The following PTPRD variants were observed in gnomAD, a reference collection of about 807,000 sequenced individuals.
PTPRD encodes protein tyrosine phosphatase receptor type D.
PTPRD carries 34 observed loss-of-function variants against 214.5 expected under a neutral mutation model. The observed-to-expected ratio is 0.16, with a 90% CI of 0.12 to 0.21. The LOEUF (loss-of-function observed/expected upper bound fraction) is 0.21, where lower values mean the gene tolerates loss of function less well. PTPRD is among the 10% of genes least tolerant of loss of function. The probability of loss-of-function intolerance (pLI) is 1.00; values close to 1 mark genes in which losing one functional copy is unlikely to be tolerated. For missense variants in PTPRD, 2,545 were observed against 2,398.7 expected, an observed-to-expected ratio of 1.06 and a Z score of -1.27; for synonymous variants, 1,128 against 845.7, an observed-to-expected ratio of 1.33 and a Z score of -5.79.
At chr9:9,931,090 T>G (rs915241142) in intron 5 of PTPRD, among the ~76,000 whole-genome samples, 1 of 152,222 alleles carries the variant, frequency 6.6e-6, no homozygotes, top group African/African-American at 2.4e-5. Flanking sequence ...CTCATTATTC[T>G]TCTATCCTAT....
chr9:8,521,645 G>T, intron 19 of PTPRD, 99 bp from the exon 20 acceptor site: 2 of 1,349,476 alleles, frequency 1.5e-6, no homozygotes, highest in Non-Finnish European at 2.0e-6. Flanking sequence ...TTCAACAATT[G>T]AAACATTGTG....
At chr9:10,487,120 T>C (rs774894383) in intron 2 of PTPRD, among the ~76,000 whole-genome samples, 2 of 152,178 alleles carry the variant, frequency 1.3e-5, no homozygotes, top group Non-Finnish European at 2.9e-5. Flanking sequence ...GTATAGCTAC[T>C]CTCACTCTTC....
chr9:9,080,797 A>C lies in PTPRD; in HGVS notation c.-142-62062T>G, dbSNP rs184860885. Among the ~76,000 whole-genome samples the C allele has an allele frequency of 1.1e-4, 16 of 152,248 alleles. No homozygotes were observed. In the East Asian group the frequency reaches 3.1e-3, roughly 29 times the overall value. On this transcript the variant is annotated intron_variant, in intron 10 of 45. Transcript: ENST00000381196. ...AGTTTATTTGCATAGAGGTGTTTAC[A>C]ATATTCTCTGATGGTAGTTTGTATT...
At chr9:10,282,156 C>T (rs934440434) in intron 3 of PTPRD, among the ~76,000 whole-genome samples, 45 of 152,140 alleles carry the variant, frequency 3.0e-4, no homozygotes, top group African/African-American at 1.0e-3. Context: ...TGAATCCAGA[C>T]TCTGCCACCT....
intron 4 of PTPRD, among the ~76,000 whole-genome samples, chr9:9,956,060 T>C (rs1024979657): frequency 6.6e-5 from 10 of 152,184 alleles, no homozygotes; most frequent in African/African-American, 2.4e-4. Flanking sequence ...GATCACGTGT[T>C]AAATGCAAGC....
chr9:9,178,970 C>T (rs532805738), intron 10 of PTPRD, among the ~76,000 whole-genome samples: 18 of 152,156 alleles, frequency 1.2e-4, no homozygotes, highest in Admixed American at 2.0e-4. Context: ...TGAATATGTT[C>T]CTGCTACGTG....
intron 11 of PTPRD, among the ~76,000 whole-genome samples, chr9:8,741,710 C>T (rs2091983021): frequency 6.6e-6 from 1 of 150,738 alleles, no homozygotes; most frequent in Non-Finnish European, 1.5e-5. Flanking sequence ...CCTGCCTCAG[C>T]CTCCTGAGTA....
chr9:8,636,614 A>T (rs1348902894), intron 13 of PTPRD, 85 bp downstream of exon 13: 1 of 1,483,972 alleles, frequency 6.7e-7, no homozygotes, highest in East Asian at 2.3e-5. Context: ...ACCTTTTATC[A>T]GAGTAAAGCA....
intron 5 of PTPRD, among the ~76,000 whole-genome samples, chr9:9,926,185 A>G (rs1340181728): frequency 1.3e-5 from 2 of 152,108 alleles, no homozygotes; most frequent in African/African-American, 2.4e-5. Context: ...TCTTATACTT[A>G]CCTAATATTT....
intron 10 of PTPRD, among the ~76,000 whole-genome samples, chr9:9,131,757 C>T (rs536114986): frequency 1.3e-5 from 2 of 151,900 alleles, no homozygotes; most frequent in African/African-American, 4.8e-5. Flanking sequence ...AAATATTTAC[C>T]ATAAGAGATT....
At chr9:8,783,925 A>C (rs1294783171) in intron 11 of PTPRD, among the ~76,000 whole-genome samples, 1 of 152,214 alleles carries the variant, frequency 6.6e-6, no homozygotes, top group East Asian at 1.9e-4. Flanking sequence ...AACACAGCTT[A>C]AAGTTTTTAT....
intron 14 of PTPRD, among the ~76,000 whole-genome samples, chr9:8,545,808 T>C (rs2079942313): frequency 6.6e-6 from 1 of 152,206 alleles, no homozygotes; most frequent in South Asian, 2.1e-4. Flanking sequence ...TCATAATAGT[T>C]TTTCAAGTTT....
chr9:9,152,009 G>T (rs544646821), intron 10 of PTPRD, among the ~76,000 whole-genome samples: 2 of 152,302 alleles, frequency 1.3e-5, no homozygotes, highest in East Asian at 1.9e-4. Flanking sequence ...TTAGATGAGT[G>T]AGAGTAACAC....
At chr9:9,386,589 G>T (rs191003606) in intron 9 of PTPRD, among the ~76,000 whole-genome samples, 1 of 152,062 alleles carries the variant, frequency 6.6e-6, no homozygotes, top group African/African-American at 2.4e-5. Context: ...ATTTGTAGAG[G>T]AGGAGGTGAG....
intron 9 of PTPRD, among the ~76,000 whole-genome samples, chr9:9,305,333 T>C (rs565308886): frequency 2.0e-5 from 3 of 152,214 alleles, no homozygotes; most frequent in South Asian, 2.1e-4. Flanking sequence ...AAGTGTGCCA[T>C]GTTTAAACAG....
chr9:9,907,474 T>C (rs2077923829), intron 5 of PTPRD, among the ~76,000 whole-genome samples: 1 of 152,004 alleles, frequency 6.6e-6, no homozygotes, highest in South Asian at 2.1e-4. Flanking sequence ...ACCATGGTTG[T>C]CTTCTTACTA....
intron 23 of PTPRD, among the ~76,000 whole-genome samples, chr9:8,503,566 G>A (rs2097466238): frequency 6.6e-6 from 1 of 152,038 alleles, no homozygotes; most frequent in Non-Finnish European, 1.5e-5. Context: ...ATCTGCCCTG[G>A]GAACAATTAA....
intron 9 of PTPRD, among the ~76,000 whole-genome samples, chr9:9,372,906 TC>T (rs1312713072): frequency 6.6e-6 from 1 of 152,074 alleles, no homozygotes; most frequent in East Asian, 1.9e-4. Flanking sequence ...TCAAGTGGAA[TC>T]ACTTGGTCAA....
intron 11 of PTPRD, among the ~76,000 whole-genome samples, chr9:8,744,455 T>G (rs2092545142): frequency 6.6e-6 from 1 of 152,210 alleles, no homozygotes; most frequent in South Asian, 2.1e-4. Context: ...TACCACGGAA[T>G]ATGACTAAGC....
Sources: gnomAD v4.1 joint callset for allele counts (sites outside exome capture counted in the v4.1 genomes callset) on GRCh38, gnomAD v4.1.1 for gene constraint, MANE v1.5 for transcripts, NCBI Gene and HGNC (gene_info 2026-07-23, HGNC 2026-07-21) for gene names.